Variants in ANKRD28 observed in about 807,000 individuals in gnomAD.
ANKRD28 encodes ankyrin repeat domain 28, also known as serine/threonine-protein phosphatase 6 regulatory ankyrin repeat subunit A.
In ANKRD28, 44 loss-of-function variants were observed where a neutral mutation model predicts 126.5. The ratio of observed to expected loss-of-function variants is 0.35; its 90% CI spans 0.27 to 0.45. The LOEUF (loss-of-function observed/expected upper bound fraction) is 0.45. Ranked by LOEUF, ANKRD28 falls within the 20% of genes least tolerant of loss-of-function variation. The probability of loss-of-function intolerance (pLI) is 1.00; values close to 1 mark genes in which losing one functional copy is unlikely to be tolerated. For synonymous variants in ANKRD28, 442 were observed against 468.5 expected, an observed-to-expected ratio of 0.94 and a Z score of 0.73; for missense variants, 1,110 against 1,316.6, an observed-to-expected ratio of 0.84 and a Z score of 2.43.
chr3:15,743,510 G>A (rs1322045079), intron 4 of ANKRD28, among the ~76,000 whole-genome samples: 2 of 149,438 alleles, frequency 1.3e-5, no homozygotes, highest in Non-Finnish European at 3.0e-5. Context: ...TAAAATATAA[G>A]TCGTATGCTC....
rs1300092651 is a variant in ANKRD28, at chr3:15,817,128, G to A, written c.28-21822C>T. Among the ~76,000 whole-genome samples the A allele has an allele frequency of 1.3e-5, 2 of 152,170 alleles. No individual in the cohort carries two copies. The highest frequency in any genetic ancestry group is 4.8e-5 in the African/African-American group (2 of 41,432). ...TTCCACAGAGTGAGCATCGTTTAAG[G>A]TAGGGGCTGTGTCTCACTCATTTCA... On this transcript the variant is annotated intron_variant, in intron 1 of 27. Coordinates refer to the ANKRD28 transcript ENST00000399451. The surrounding 1 kb of genome is among the most constrained non-coding windows in gnomAD (Gnocchi z 4.5).
At chr3:15,710,383 G>T (rs1247568020) in intron 12 of ANKRD28, among the ~76,000 whole-genome samples, 1 of 152,130 alleles carries the variant, frequency 6.6e-6, no homozygotes, top group Non-Finnish European at 1.5e-5. Flanking sequence ...CAAGTCTGTT[G>T]TCCCTCTCTC....
At position 15,724,533 on chromosome 3, in the gene ANKRD28, GTGTTTT is replaced by G; in HGVS notation, c.641-15_641-10del. ...CACTACTTCAATGTGACCTAAAAAT[GTGTTTT>G]TGAAGAAAAAAATAGAGATGAGCAT... On this transcript the variant is annotated splice_polypyrimidine_tract_variant and intron_variant, in intron 6 of 27. Transcript: ENST00000683139. The G allele has an allele frequency of 1.3e-6, 2 of 1,558,628 alleles. No individual in the cohort carries two copies. Among genetic ancestry groups the G allele is most frequent in the Admixed American group, 2.0e-5 (1 of 50,166 alleles).
intron 8 of ANKRD28, 27 bp downstream of exon 8, chr3:15,720,888 C>T (rs2124916806): frequency 2.5e-6 from 4 of 1,601,164 alleles, no homozygotes; most frequent in East Asian, 4.5e-5. Context: ...ATATGAAATA[C>T]TTATAGATTC....
At chr3:15,764,535 A>G (rs532533399) in intron 3 of ANKRD28, among the ~76,000 whole-genome samples, 1 of 106,276 alleles carries the variant, frequency 9.4e-6, no homozygotes, top group Non-Finnish European at 2.3e-5. Flanking sequence ...TGTAAAAATA[A>G]AAAATGAAAA....
At chr3:15,747,820 G>A (rs2057582278) in intron 4 of ANKRD28, among the ~76,000 whole-genome samples, 1 of 152,016 alleles carries the variant, frequency 6.6e-6, no homozygotes. Flanking sequence ...TTATTGTGTT[G>A]CTCTCTCATT....
rs865931236 is a variant in ANKRD28 at position 15,814,107 on chromosome 3, G to A, written c.28-18801C>T. The A allele has an allele frequency of 7.8e-6, 2 of 256,590 alleles. No individual in the cohort carries two copies. Among genetic ancestry groups the A allele is most frequent in the Non-Finnish European group, 6.6e-6 (1 of 151,966 alleles). 15.9% of individuals were successfully genotyped at this position (256,590 alleles called of 1,614,324 possible). A position where few individuals can be genotyped will look rare whatever the true frequency, so the allele number is the denominator to read the frequency against. Reference sequence around the variant, plus strand: ...ATGTTTCTACAATAAAGGACTTTTTGGCTGACACTAACTATTTACTCACAT... The same window carrying A: ...ATGTTTCTACAATAAAGGACTTTTTAGCTGACACTAACTATTTACTCACAT... On this transcript the variant is annotated intron_variant, in intron 1 of 27. Coordinates refer to the ANKRD28 transcript ENST00000399451. The surrounding 1 kb of genome is among the most constrained non-coding windows in gnomAD (Gnocchi z 4.7).
In ANKRD28 at chr3:15,687,099, C is replaced by T. The variant is rs141217516; in HGVS notation, c.1964-790G>A. On this transcript the variant is annotated intron_variant, in intron 18 of 27. Coordinates refer to ENST00000683139, the MANE Select transcript of ANKRD28 (RefSeq NM_001349278.2). ...CTGGGATTACAGGCGCCTGCCACCA[C>T]ACCCGGCGATTTTTTTTGTATTTTT... is the stretch of plus-strand genomic sequence containing the variant. Among the ~76,000 whole-genome samples the T allele has an allele frequency of 3.1e-3, 476 of 152,044 alleles. 3 individuals are homozygous for T. The highest frequency in any genetic ancestry group is 0.011 in the African/African-American group (466 of 41,436).
chr3:15,743,395 T>C (rs939043909), intron 4 of ANKRD28, among the ~76,000 whole-genome samples: 1 of 151,994 alleles, frequency 6.6e-6, no homozygotes, highest in Non-Finnish European at 1.5e-5. Context: ...CAAAACATAT[T>C]TGCAAATAAA....
chr3:15,772,748 G>A (rs1056648657), intron 2 of ANKRD28, among the ~76,000 whole-genome samples: 3 of 152,062 alleles, frequency 2.0e-5, no homozygotes, highest in African/African-American at 4.8e-5. Flanking sequence ...GTGCAGTGGC[G>A]CGATCTCGGC....
chr3:15,712,376 G>C (rs1241735683), intron 10 of ANKRD28, among the ~76,000 whole-genome samples, 154 bp from the exon 11 acceptor site: 1 of 152,156 alleles, frequency 6.6e-6, no homozygotes, highest in African/African-American at 2.4e-5. Context: ...TTGATGGTGG[G>C]CATAACTTAT....
rs568260135 is a variant in ANKRD28, at chr3:15,744,645, G to A, written c.351+7105C>T. On this transcript the variant is annotated intron_variant, in intron 4 of 27. Transcript: ENST00000683139. ...ACAGTATTTTCTTTATCCAGTCATT[G>A]ACTGATGCGTATTTGGGCTGGTTCC... Among the ~76,000 whole-genome samples, 10 of 152,266 alleles carry A rather than the reference G, an allele frequency of 6.6e-5. No individual in the cohort carries two copies. In the South Asian group the frequency reaches 1.0e-3, roughly 16 times the overall value.
intron 1 of ANKRD28, among the ~76,000 whole-genome samples, chr3:15,835,276 A>G (rs1216886845): frequency 1.3e-5 from 2 of 152,354 alleles, no homozygotes; most frequent in East Asian, 1.9e-4. Context: ...TGTTCATCCT[A>G]TAATAGTGGC....
At chr3:15,679,930 C>T (rs190584311) in intron 21 of ANKRD28, among the ~76,000 whole-genome samples, 238 of 151,102 alleles carry the variant, frequency 1.6e-3, no homozygotes, top group Non-Finnish European at 3.0e-3. Context: ...ATTTACATTA[C>T]ATTGGTTATT....
chr3:15,807,704 G>C (rs931232560), intron 1 of ANKRD28, among the ~76,000 whole-genome samples: 1 of 152,074 alleles, frequency 6.6e-6, no homozygotes, highest in Admixed American at 6.5e-5. Flanking sequence ...ATTTCATAAA[G>C]GGTTGATAAA....
chr3:15,728,866 T>C (rs553011664), intron 6 of ANKRD28, among the ~76,000 whole-genome samples: 1 of 152,336 alleles, frequency 6.6e-6, no homozygotes, highest in South Asian at 2.1e-4. Context: ...AGGAAAGGGT[T>C]GGTTATACTG....
chr3:15,781,833 C>T (rs2059552626), intron 2 of ANKRD28, among the ~76,000 whole-genome samples: 1 of 152,062 alleles, frequency 6.6e-6, no homozygotes, highest in African/African-American at 2.4e-5. Context: ...AACAAAGGGG[C>T]TGGAATTCTC....
chr3:15,852,603 G>A (rs1294493699), intron 1 of ANKRD28, among the ~76,000 whole-genome samples: 3 of 151,876 alleles, frequency 2.0e-5, no homozygotes, highest in Non-Finnish European at 4.4e-5. Context: ...GGAGGCCGAG[G>A]CGGGCGGATC....
At chr3:15,783,671 C>A (rs1275960168) in intron 2 of ANKRD28, among the ~76,000 whole-genome samples, 2 of 151,954 alleles carry the variant, frequency 1.3e-5, no homozygotes, top group African/African-American at 4.8e-5. Context: ...TGGAATACTA[C>A]TCAGCAACAG....
Sources: allele counts gnomAD v4.1 joint callset (sites outside exome capture counted in the v4.1 genomes callset), GRCh38; gene constraint gnomAD v4.1.1; non-coding constraint Gnocchi (gnomAD v3.1); transcripts MANE v1.5; gene names NCBI Gene and HGNC (gene_info 2026-07-23, HGNC 2026-07-21).